ADGRA3: variants seen among roughly 807,000 people sequenced by gnomAD.
ADGRA3 encodes G-protein coupled receptor 125.
In ADGRA3, 56 loss-of-function variants were observed where a neutral mutation model predicts 119.8. The ratio of observed to expected loss-of-function variants is 0.47; its 90% CI spans 0.38 to 0.58. ADGRA3 has a LOEUF of 0.58. Ranked by LOEUF, ADGRA3 falls within the 20% of genes least tolerant of loss-of-function variation. ADGRA3 has a pLI of 0.00. For synonymous variants in ADGRA3, 607 were observed against 623.8 expected (o/e 0.97, Z 0.40); for missense variants, 1,516 against 1,649.0 (o/e 0.92, Z 1.40).
chr4:22,404,448 A>C (rs938201577), intron 14 of ADGRA3, among the ~76,000 whole-genome samples: 9 of 152,178 alleles, frequency 5.9e-5, no homozygotes, highest in Non-Finnish European at 1.0e-4. Context: ...AATGACAAAA[A>C]CCACAGTAAG....
rs199790923 is a variant in ADGRA3, at chr4:22,413,326, T to C, written c.2088A>G (p.Gly696=). ...VNVTLRRIAH[G]ADAVAARWDF... ...CCCACCGGGCTGCAACAGCATCTGC[T>C]CCATGTGCAATTCGACGCAGTGTCA... Residue 696 remains glycine, a synonymous_variant, in exon 14 of 19, where the codon GGA becomes GGG. Coordinates refer to ENST00000334304, the MANE Select transcript of ADGRA3 (RefSeq NM_145290.4). The C allele has an allele frequency of 2.0e-5, 33 of 1,614,124 alleles. No homozygotes were observed. The African/African-American group carries it at 2.7e-4, about 13-fold the overall frequency.
intron 7 of ADGRA3, among the ~76,000 whole-genome samples, chr4:22,440,400 T>C (rs1319158808): frequency 6.6e-6 from 1 of 152,104 alleles, no homozygotes; most frequent in East Asian, 1.9e-4. Flanking sequence ...ATCAAAGACA[T>C]GGGGAGATCA....
At chr4:22,499,815 T>A (rs559659507) in intron 1 of ADGRA3, among the ~76,000 whole-genome samples, 1 of 152,326 alleles carries the variant, frequency 6.6e-6, no homozygotes, top group East Asian at 1.9e-4. Flanking sequence ...GATGTTAAAA[T>A]TCTTTCCTTC....
At chr4:22,396,360 T>C (rs1185871834) in intron 16 of ADGRA3, among the ~76,000 whole-genome samples, 1 of 152,126 alleles carries the variant, frequency 6.6e-6, no homozygotes, top group Non-Finnish European at 1.5e-5. Flanking sequence ...TCATAAAATA[T>C]GTAAGCTCGC....
intron 1 of ADGRA3, among the ~76,000 whole-genome samples, chr4:22,501,173 T>G (rs1204754498): frequency 6.6e-6 from 1 of 152,156 alleles, no homozygotes. Flanking sequence ...CTTAAATCTA[T>G]CTCTTCATCT....
At chr4:22,443,002 C>A in intron 6 of ADGRA3, 139 bp from the exon 7 acceptor site, 1 of 708,466 alleles carries the variant, frequency 1.4e-6, no homozygotes, top group South Asian at 1.7e-5. Flanking sequence ...CTGCTAGTAT[C>A]AACCAGGCTG....
rs1426692075 is a variant in ADGRA3 at position 22,387,553 on chromosome 4, G to C, written c.*152C>G. 1.5e-6 allele frequency: 1 copy of C among 664,428 alleles called. No individual in the cohort carries two copies. The highest frequency in any genetic ancestry group is 2.4e-6 in the Non-Finnish European group (1 of 424,024). 41.2% of individuals were successfully genotyped at this position (664,428 alleles called of 1,614,324 possible). On this transcript the variant is annotated 3_prime_UTR_variant, in exon 19 of 19. Transcript: ENST00000334304. ...ATCCTAAAAAATAGCAACAATTTGG[G>C]GATAAAAATAAGTAAAATCCAAAAC... is the stretch of plus-strand genomic sequence containing the variant.
chr4:22,434,773 A>G (rs745395463), intron 10 of ADGRA3, among the ~76,000 whole-genome samples: 8 of 152,184 alleles, frequency 5.3e-5, no homozygotes, highest in Non-Finnish European at 1.0e-4. Flanking sequence ...CATGGTTTCA[A>G]TGTGGTCCCG....
In ADGRA3 at chr4:22,392,535, T is replaced by C; in HGVS notation, c.2627+10A>G. ...AACAAAACAATTAATACAACAAAGA[T>C]ATGAGATACCTGAGCATTGGTCTTG... On this transcript the variant is annotated intron_variant, in intron 17 of 18. Transcript: ENST00000334304. 1 of 1,612,620 alleles carries C rather than the reference T, an allele frequency of 6.2e-7. No individual in the cohort carries two copies. The highest frequency in any genetic ancestry group is 8.5e-7 in the Non-Finnish European group (1 of 1,179,416).
At chr4:22,398,758 A>C (rs2062573) in intron 16 of ADGRA3, among the ~76,000 whole-genome samples, 118,273 of 152,032 alleles carry the variant, frequency 0.78, 46,284 homozygotes, top group East Asian at 0.96. Context: ...TTGTATAATA[A>C]CACAGGGTTT....
intron 10 of ADGRA3, among the ~76,000 whole-genome samples, chr4:22,425,142 A>T (rs1715879702): frequency 6.6e-6 from 1 of 151,276 alleles, no homozygotes; most frequent in Admixed American, 6.6e-5. Context: ...CATATTCAAC[A>T]ATGCAGGGAT....
At position 22,440,753 on chromosome 4, in the gene ADGRA3, A is replaced by G. The variant is rs528457780; in HGVS notation, c.920+1897T>C. On this transcript the variant is annotated intron_variant, in intron 7 of 18. Transcript: ENST00000334304. The stretch of plus-strand genomic sequence containing the variant: ...TCTACTTTTAAAACTTTACTATTGA[A>G]TTATACATCAATTATTGTCTGTTTA... 2.0e-5 allele frequency among the ~76,000 whole-genome samples: 3 copies of G among 152,328 alleles called. No homozygotes were observed. In the East Asian group the frequency reaches 5.8e-4, roughly 29 times the overall value.
At chr4:22,514,369 CAT>C (rs1025588856) in intron 1 of ADGRA3, 10 of 152,104 alleles carry the variant, frequency 6.6e-5, no homozygotes, top group Non-Finnish European at 1.2e-4. Flanking sequence ...TAAATAGACA[CAT>C]AGACACAATT....
At chr4:22,418,517 A>C (rs1203097504) in intron 12 of ADGRA3, among the ~76,000 whole-genome samples, 1 of 152,166 alleles carries the variant, frequency 6.6e-6, no homozygotes, top group Non-Finnish European at 1.5e-5. Flanking sequence ...AGCCTGCTTG[A>C]GAATGACCAG....
intron 8 of ADGRA3, 21 bp downstream of exon 8, chr4:22,438,235 C>T (rs752320797): frequency 2.0e-4 from 322 of 1,598,618 alleles, no homozygotes; most frequent in Non-Finnish European, 2.6e-4. Flanking sequence ...AACTTTTCCC[C>T]GTATTTTCCA....
At chr4:22,497,933 G>T (rs1445361242) in intron 1 of ADGRA3, among the ~76,000 whole-genome samples, 2 of 124,016 alleles carry the variant, frequency 1.6e-5, no homozygotes, top group Non-Finnish European at 3.4e-5. Flanking sequence ...AATAGAAAAA[G>T]ACCCCATCTA....
At chr4:22,476,270 T>A (rs1162006567) in intron 1 of ADGRA3, among the ~76,000 whole-genome samples, 1 of 152,124 alleles carries the variant, frequency 6.6e-6, no homozygotes, top group Non-Finnish European at 1.5e-5. Context: ...CAAGAGCCTA[T>A]GACCCTAGCT....
rs376782944 is a variant in ADGRA3, at chr4:22,424,284, C to A, written c.1512G>T (p.Ala504=). 1 of 1,613,862 alleles carries A rather than the reference C, an allele frequency of 6.2e-7. No homozygotes were observed. The highest frequency in any genetic ancestry group is 1.7e-5 in the Admixed American group (1 of 60,020). The stretch of plus-strand genomic sequence containing the variant: ...TACTGCAGGCTTTAGCTTCCCTCTG[C>A]GCCAGCCACAGGACACGTTCATCAG... ...MLADERVLWL[A]QREAKACSRI... is the part of the protein sequence containing the mutation. The change falls in exon 11 of 19, where the codon GCG becomes GCT. Residue 504 remains alanine (A), a synonymous_variant. Transcript: ENST00000334304.
At chr4:22,392,752 A>G in intron 16 of ADGRA3, 62 bp from the exon 17 acceptor site, 3 of 1,470,794 alleles carry the variant, frequency 2.0e-6, no homozygotes, top group Non-Finnish European at 2.8e-6. Flanking sequence ...GCTTACCTCA[A>G]AATTGGTAAG....
Sources: allele counts gnomAD v4.1 joint callset (sites outside exome capture counted in the v4.1 genomes callset), GRCh38; gene constraint gnomAD v4.1.1; transcripts MANE v1.5; gene names NCBI Gene and HGNC (gene_info 2026-07-23, HGNC 2026-07-21).